DCDC2: variants seen among roughly 807,000 people sequenced by gnomAD.
DCDC2 encodes doublecortin domain-containing protein 2.
In DCDC2, 40 loss-of-function variants were observed where a neutral mutation model predicts 50.2. The ratio of observed to expected loss-of-function variants is 0.80; its 90% CI spans 0.62 to 1.04. DCDC2 has a LOEUF of 1.04. DCDC2 is among the 50% of genes least tolerant of loss of function. DCDC2 has a pLI of 0.00. For synonymous variants in DCDC2, 234 were observed against 210.6 expected (o/e 1.11, Z -0.96); for missense variants, 570 against 581.9 (o/e 0.98, Z 0.21).
chr6:24,185,306 T>G (rs1761166651), intron 8 of DCDC2, among the ~76,000 whole-genome samples: 1 of 152,186 alleles, frequency 6.6e-6, no homozygotes. Flanking sequence ...TTATTTCTAT[T>G]AGACTTTCCC....
chr6:24,330,656 A>G (rs879334595), intron 2 of DCDC2, among the ~76,000 whole-genome samples: 1 of 152,212 alleles, frequency 6.6e-6, no homozygotes, highest in African/African-American at 2.4e-5. Context: ...GTATGTTCAC[A>G]CAGGATCCCA....
Position 24,290,918 on chromosome 6 carries a change from G to A in DCDC2, c.704+14C>T, listed in dbSNP as rs1318819596. The A allele has an allele frequency of 6.2e-7, 1 of 1,608,348 alleles. No individual in the cohort carries two copies. The highest frequency in any genetic ancestry group is 8.5e-7 in the Non-Finnish European group (1 of 1,178,334). Reference sequence around the variant, plus strand: ...GTAACTAAAGCATGAGGAGTGGTAAGGAGTAAGACTTACCCAAAAGGCCTT... The same window carrying A: ...GTAACTAAAGCATGAGGAGTGGTAAAGAGTAAGACTTACCCAAAAGGCCTT... On this transcript the variant is annotated intron_variant, in intron 5 of 9. Transcript: ENST00000378454.
chr6:24,280,599 C>T (rs556714497), intron 6 of DCDC2, among the ~76,000 whole-genome samples: 79 of 152,040 alleles, frequency 5.2e-4, no homozygotes, highest in Non-Finnish European at 7.6e-4. Context: ...TAAAGTGGTG[C>T]AATCTCGGCT....
the DCDC2 span, among the ~76,000 whole-genome samples, chr6:24,375,362 C>T: frequency 6.6e-6 from 1 of 151,916 alleles, no homozygotes; most frequent in Non-Finnish European, 1.5e-5. Flanking sequence ...CAGGATGGGC[C>T]CCAGTGTCAC....
chr6:24,176,603 T>C (rs573615352), intron 9 of DCDC2, among the ~76,000 whole-genome samples: 8 of 152,350 alleles, frequency 5.3e-5, no homozygotes, highest in African/African-American at 1.4e-4. Flanking sequence ...TTACCTCACA[T>C]ACTTATCTTT....
chr6:24,370,330 T>C, the DCDC2 span, among the ~76,000 whole-genome samples: 2 of 152,206 alleles, frequency 1.3e-5, no homozygotes, highest in Non-Finnish European at 2.9e-5. Flanking sequence ...TTGGAAACAG[T>C]TGGCAACTCC....
intron 7 of DCDC2, among the ~76,000 whole-genome samples, chr6:24,266,166 G>A (rs180847398): frequency 5.3e-5 from 8 of 152,026 alleles, no homozygotes; most frequent in Admixed American, 1.3e-4. Context: ...ATTGGACCCC[G>A]ATATCTCACC....
rs1554119342 is a variant in DCDC2, at chr6:24,327,483, T to TATTTATTTATTGATTG, written c.349-25440_349-25439insCAATCAATAAATAAAT. On this transcript the variant is annotated intron_variant, in intron 2 of 9. Coordinates refer to ENST00000378454, the MANE Select transcript of DCDC2 (RefSeq NM_016356.5). ...TTATTTATTTATTTATTTATTTATT[T>TATTTATTTATTGATTG]ATTGGCTGATACGGAGTTTTGCTCT... 1.2e-4 allele frequency among the ~76,000 whole-genome samples: 17 copies of TATTTATTTATTGATTG among 144,036 alleles called. 1 individual carries two copies. Among genetic ancestry groups the TATTTATTTATTGATTG allele is most frequent in the African/African-American group, 3.7e-4 (14 of 37,810 alleles). 94.5% of individuals were successfully genotyped at this position (144,036 alleles called of 152,430 possible). A position where few individuals can be genotyped will look rare whatever the true frequency, so the allele number is the denominator to read the frequency against.
chr6:24,362,116 T>C (rs968090429), upstream of DCDC2, among the ~76,000 whole-genome samples: 8 of 152,132 alleles, frequency 5.3e-5, no homozygotes, highest in African/African-American at 1.7e-4. Flanking sequence ...AGAGCACAGA[T>C]AGTAGTAAAA....
chr6:24,180,429 C>T (rs544098306), intron 8 of DCDC2, among the ~76,000 whole-genome samples: 6 of 152,072 alleles, frequency 3.9e-5, no homozygotes, highest in South Asian at 2.1e-4. Flanking sequence ...GGACTACAGG[C>T]GCCCGCCACC....
intron 7 of DCDC2, among the ~76,000 whole-genome samples, chr6:24,269,735 G>C (rs1435724837): frequency 6.6e-6 from 1 of 151,912 alleles, no homozygotes; most frequent in Non-Finnish European, 1.5e-5. Context: ...TTAAAAAAGG[G>C]GATTTGATCA....
intron 2 of DCDC2, among the ~76,000 whole-genome samples, chr6:24,341,140 C>T (rs941601750): frequency 2.0e-5 from 3 of 152,132 alleles, no homozygotes; most frequent in African/African-American, 7.2e-5. Flanking sequence ...ATACTCACTG[C>T]TAGAAAGAGG....
At chr6:24,345,695 A>G (rs890305406) in intron 2 of DCDC2, among the ~76,000 whole-genome samples, 1 of 152,188 alleles carries the variant, frequency 6.6e-6, no homozygotes, top group Non-Finnish European at 1.5e-5. Flanking sequence ...TTATTCACTG[A>G]TAGATCCCTT....
At chr6:24,361,505 A>G (rs1027947008), upstream of DCDC2, among the ~76,000 whole-genome samples, 9 of 152,156 alleles carry the variant, frequency 5.9e-5, no homozygotes, top group Non-Finnish European at 1.0e-4. Context: ...GACAAGGGAA[A>G]TTTTGTGAGC....
At chr6:24,237,243 A>C (rs533579706) in intron 7 of DCDC2, among the ~76,000 whole-genome samples, 1 of 152,240 alleles carries the variant, frequency 6.6e-6, no homozygotes, top group East Asian at 1.9e-4. Context: ...GGACAGAATC[A>C]GAAAAAAAAT....
At chr6:24,321,624 A>G (rs1759775468) in intron 2 of DCDC2, among the ~76,000 whole-genome samples, 1 of 152,202 alleles carries the variant, frequency 6.6e-6, no homozygotes, top group South Asian at 2.1e-4. Context: ...TTTAAACACT[A>G]CTTAGGCCTT....
At chr6:24,281,717 G>T in intron 6 of DCDC2, among the ~76,000 whole-genome samples, 1 of 152,056 alleles carries the variant, frequency 6.6e-6, no homozygotes, top group East Asian at 1.9e-4. Flanking sequence ...CATGTGACTT[G>T]TAACTCAAAT....
chr6:24,358,905 T>TTATA (rs1409520232), upstream of DCDC2, among the ~76,000 whole-genome samples: 2 of 35,272 alleles, frequency 5.7e-5, no homozygotes, highest in African/African-American at 4.5e-4. Flanking sequence ...ATATAATATA[T>TTATA]TATATATTAT....
chr6:24,355,944 A>G (rs944329230), intron 1 of DCDC2, among the ~76,000 whole-genome samples: 4 of 152,206 alleles, frequency 2.6e-5, no homozygotes, highest in Admixed American at 6.5e-5. Context: ...TTATGAATTC[A>G]TAAGCTTAGA....
Sources: gnomAD v4.1 joint callset for allele counts (sites outside exome capture counted in the v4.1 genomes callset) on GRCh38, gnomAD v4.1.1 for gene constraint, MANE v1.5 for transcripts, NCBI Gene and HGNC (gene_info 2026-07-23, HGNC 2026-07-21) for gene names.